Variants in CSRNP3 observed in about 807,000 individuals in gnomAD.
The protein encoded by CSRNP3 is cysteine/serine-rich nuclear protein 3.
A neutral mutation model predicts 48.0 loss-of-function variants in CSRNP3; 12 were observed. The ratio of observed to expected loss-of-function variants is 0.25; its 90% confidence interval spans 0.16 to 0.41. The LOEUF is 0.41. Among genes scored for constraint, CSRNP3 ranks in the 10% least tolerant of loss-of-function variants. The probability of loss-of-function intolerance (pLI) is 1.00; values close to 1 mark genes in which losing one functional copy is unlikely to be tolerated. For missense variants in CSRNP3, 580 were observed against 724.4 expected, an observed-to-expected ratio of 0.80 and a Z score of 2.29; for synonymous variants, 263 against 269.7, an observed-to-expected ratio of 0.98 and a Z score of 0.24.
chr2:165,491,950 T>TAAAAAAAAAAAAAAAAA (rs560385044), intron 1 of CSRNP3, among the ~76,000 whole-genome samples: 1 of 104,596 alleles, frequency 9.6e-6, no homozygotes, highest in Non-Finnish European at 2.0e-5. Flanking sequence ...TAAAGTATAA[T>TAAAAAAAAAAAAAAAAA]AAAAAAAAAA....
intron 3 of CSRNP3, among the ~76,000 whole-genome samples, chr2:165,560,677 A>T (rs1262186904): frequency 6.6e-6 from 1 of 152,198 alleles, no homozygotes; most frequent in Non-Finnish European, 1.5e-5. Context: ...AGTTATTCAA[A>T]TCATTCTGTT....
chr2:165,474,361 T>C (rs1407433382), intron 1 of CSRNP3, among the ~76,000 whole-genome samples: 1 of 152,144 alleles, frequency 6.6e-6, no homozygotes, highest in Non-Finnish European at 1.5e-5. Context: ...TGCTGCAGCC[T>C]CCCAAGTGGC....
chr2:165,583,099 G>A (rs1574848288), intron 3 of CSRNP3, among the ~76,000 whole-genome samples: 2 of 152,306 alleles, frequency 1.3e-5, no homozygotes, highest in African/African-American at 4.8e-5. Context: ...GTGCCCCATG[G>A]AAACACCTTG....
intron 3 of CSRNP3, among the ~76,000 whole-genome samples, chr2:165,555,095 A>C (rs1308014282): frequency 1.3e-5 from 2 of 152,104 alleles, no homozygotes; most frequent in Non-Finnish European, 2.9e-5. Context: ...CTTTGTTCAA[A>C]TGTTGCTTCT....
chr2:165,647,608 G>A (rs1468082323), intron 4 of CSRNP3, among the ~76,000 whole-genome samples: 3 of 152,268 alleles, frequency 2.0e-5, no homozygotes, highest in Admixed American at 1.3e-4. Flanking sequence ...AGTACAGATA[G>A]TCCCTGACTC....
intron 2 of CSRNP3, among the ~76,000 whole-genome samples, chr2:165,502,214 A>T (rs138317043): frequency 5.4e-4 from 82 of 152,106 alleles, no homozygotes; most frequent in Middle Eastern, 3.5e-3. Context: ...AAATGTATCT[A>T]CTGACATAAA....
At chr2:165,540,027 ACCTGTAGT>A (rs1246660209) in intron 3 of CSRNP3, among the ~76,000 whole-genome samples, 1 of 152,046 alleles carries the variant, frequency 6.6e-6, no homozygotes, top group Admixed American at 6.6e-5. Context: ...GTAGTGATTG[ACCTGTAGT>A]CCATCCCCAA....
intron 4 of CSRNP3, among the ~76,000 whole-genome samples, chr2:165,612,210 G>A (rs1486071375): frequency 6.6e-6 from 1 of 152,018 alleles, no homozygotes; most frequent in Non-Finnish European, 1.5e-5. Flanking sequence ...ATTGTATTAT[G>A]TCTATAGTAA....
intron 4 of CSRNP3, among the ~76,000 whole-genome samples, chr2:165,599,156 T>C (rs1329466571): frequency 1.3e-5 from 2 of 150,056 alleles, no homozygotes; most frequent in Non-Finnish European, 3.0e-5. Flanking sequence ...GCCCAGGAGG[T>C]TGAGGCTGCA....
chr2:165,678,572 G>C, intron 6 of CSRNP3, 129 bp from the exon 7 acceptor site: 1 of 1,095,686 alleles, frequency 9.1e-7, no homozygotes, highest in Admixed American at 2.7e-5. Context: ...AAGTTTGGTT[G>C]TCATTTGCTC....
intron 3 of CSRNP3, among the ~76,000 whole-genome samples, chr2:165,553,427 C>T (rs1685123588): frequency 6.6e-6 from 1 of 152,176 alleles, no homozygotes; most frequent in East Asian, 1.9e-4. Flanking sequence ...TATTTTCATA[C>T]AGCCAAACGT....
At chr2:165,490,177 A>G (rs1362988432) in intron 1 of CSRNP3, among the ~76,000 whole-genome samples, 2 of 149,922 alleles carry the variant, frequency 1.3e-5, no homozygotes, top group African/African-American at 2.5e-5. Context: ...GAGCCAAATC[A>G]TGAGTGAACT....
chr2:165,569,678 C>A (rs1028692235), intron 3 of CSRNP3, among the ~76,000 whole-genome samples: 5 of 151,832 alleles, frequency 3.3e-5, no homozygotes, highest in Admixed American at 1.3e-4. Context: ...TTAAAAAATT[C>A]TTGGCCCATA....
intron 4 of CSRNP3, among the ~76,000 whole-genome samples, chr2:165,634,785 T>C (rs1413994225): frequency 2.6e-5 from 4 of 152,230 alleles, no homozygotes; most frequent in Non-Finnish European, 4.4e-5. Flanking sequence ...AATTACACTC[T>C]AGTGTCTAGA....
intron 2 of CSRNP3, among the ~76,000 whole-genome samples, chr2:165,508,127 A>G (rs892224514): frequency 5.9e-5 from 9 of 151,866 alleles, no homozygotes; most frequent in Non-Finnish European, 1.2e-4. Context: ...ATCGATTTCT[A>G]TTTTCTGCAG....
chr2:165,518,169 A>G (rs534149663), intron 3 of CSRNP3, among the ~76,000 whole-genome samples: 1 of 152,124 alleles, frequency 6.6e-6, no homozygotes, highest in East Asian at 1.9e-4. Flanking sequence ...TTGTCTTAAT[A>G]GAGAACTACT....
rs550267400 is a variant in CSRNP3, at chr2:165,669,312, T to C, written c.409-7000T>C. Among the ~76,000 whole-genome samples the C allele has an allele frequency of 1.7e-3, 263 of 152,352 alleles. 2 individuals carry two copies. The highest frequency in any genetic ancestry group is 6.8e-3 in the Middle Eastern group (2 of 294). The stretch of plus-strand genomic sequence containing the variant: ...TTTTTTGTTTTATTTTGTTTTGCCC[T>C]GGCATTTTAGTCAATCTATACTTTT... On this transcript the variant is annotated intron_variant, in intron 5 of 6. Transcript: ENST00000651982.
intron 3 of CSRNP3, among the ~76,000 whole-genome samples, chr2:165,548,316 A>T (rs1360494954): frequency 1.3e-5 from 2 of 152,086 alleles, no homozygotes; most frequent in African/African-American, 4.8e-5. Flanking sequence ...GTAGGATCTT[A>T]ACTATTATTT....
intron 3 of CSRNP3, among the ~76,000 whole-genome samples, chr2:165,533,078 T>C (rs954155638): frequency 3.3e-5 from 5 of 152,134 alleles, no homozygotes; most frequent in African/African-American, 1.2e-4. Flanking sequence ...AATGTGAACA[T>C]TTCAGAAATT....
Sources: gnomAD v4.1 joint callset for allele counts (sites outside exome capture counted in the v4.1 genomes callset) on GRCh38, gnomAD v4.1.1 for gene constraint, MANE v1.5 for transcripts, NCBI Gene and HGNC (gene_info 2026-07-23, HGNC 2026-07-21) for gene names.